SSBP2: variants seen among roughly 807,000 people sequenced by gnomAD.
SSBP2 encodes the protein single stranded DNA binding protein 2.
SSBP2 carries 17 observed loss-of-function variants against 61.8 expected under a neutral mutation model. The observed-to-expected ratio is 0.28, with a 90% CI of 0.19 to 0.41. The LOEUF is 0.41. Ranked by LOEUF, SSBP2 falls within the 10% of genes least tolerant of loss-of-function variation. SSBP2 has a pLI of 1.00. For synonymous variants in SSBP2, 139 were observed against 141.3 expected, an observed-to-expected ratio of 0.98 and a Z score of 0.12; for missense variants, 310 against 458.7, an observed-to-expected ratio of 0.68 and a Z score of 2.96.
At chr5:81,466,428 T>C (rs1466582089) in intron 9 of SSBP2, among the ~76,000 whole-genome samples, 3 of 152,048 alleles carry the variant, frequency 2.0e-5, no homozygotes, top group Non-Finnish European at 4.4e-5. Context: ...CTACGGAAAG[T>C]TCTTTGATAG....
At chr5:81,458,334 A>T (rs1764307579) in intron 10 of SSBP2, among the ~76,000 whole-genome samples, 1 of 152,250 alleles carries the variant, frequency 6.6e-6, no homozygotes, top group Admixed American at 6.5e-5. Context: ...GTTATAAAAA[A>T]ATTATGTGTT....
intron 1 of SSBP2, among the ~76,000 whole-genome samples, chr5:81,689,270 G>C (rs1007063400): frequency 1.3e-5 from 2 of 152,104 alleles, no homozygotes; most frequent in Non-Finnish European, 2.9e-5. Context: ...TGGCTGTAAA[G>C]AGGTGGTAGA....
intron 4 of SSBP2, among the ~76,000 whole-genome samples, chr5:81,585,833 G>A (rs1177831377): frequency 2.0e-5 from 3 of 152,010 alleles, no homozygotes; most frequent in Non-Finnish European, 4.4e-5. Flanking sequence ...CCAGCCTCTG[G>A]TAACCACCAT....
rs551015508 is a variant in SSBP2, at chr5:81,749,330, T to C, written c.62+1651A>G. On this transcript the variant is annotated intron_variant, in intron 1 of 16. Transcript: ENST00000320672. Reference sequence around the variant, plus strand: ...TTTGTTTTGTTTTGTTTTGCTTTGCTACATCAAGGCCTGATACCTCTAAAT... The same window carrying C: ...TTTGTTTTGTTTTGTTTTGCTTTGCCACATCAAGGCCTGATACCTCTAAAT... Among the ~76,000 whole-genome samples, 143 of 152,324 alleles carry C rather than the reference T, an allele frequency of 9.4e-4. 2 individuals are homozygous for C. The South Asian group carries it at 0.03, about 32-fold the overall frequency.
At chr5:81,577,331 C>T (rs557026316) in intron 4 of SSBP2, among the ~76,000 whole-genome samples, 17 of 152,004 alleles carry the variant, frequency 1.1e-4, no homozygotes, top group Admixed American at 2.6e-4. Flanking sequence ...GTAAATCTTC[C>T]CTTCTGAAAG....
At chr5:81,526,604 T>C (rs1451583835) in intron 4 of SSBP2, among the ~76,000 whole-genome samples, 1 of 152,070 alleles carries the variant, frequency 6.6e-6, no homozygotes, top group Non-Finnish European at 1.5e-5. Flanking sequence ...TCAAAAATCA[T>C]AGCATTAAAA....
intron 3 of SSBP2, chr5:81,616,609 G>A (rs1344852862): frequency 6.9e-6 from 1 of 145,360 alleles, no homozygotes; most frequent in Admixed American, 6.8e-5. Flanking sequence ...CACAGCTCAA[G>A]GAGGCCTGCC....
At chr5:81,458,288 C>G (rs1257269510) in intron 10 of SSBP2, among the ~76,000 whole-genome samples, 1 of 152,128 alleles carries the variant, frequency 6.6e-6, no homozygotes, top group Non-Finnish European at 1.5e-5. Context: ...AGCATTACAT[C>G]AGAATTGATT....
intron 9 of SSBP2, 150 bp downstream of exon 9, chr5:81,466,822 CAG>C (rs905118560): frequency 2.2e-6 from 1 of 447,148 alleles, no homozygotes; most frequent in Non-Finnish European, 4.0e-6. Flanking sequence ...TTATACCACA[CAG>C]AGACTGTGGT....
intron 1 of SSBP2, among the ~76,000 whole-genome samples, chr5:81,657,538 C>T (rs1581267609): frequency 6.6e-6 from 1 of 152,178 alleles, no homozygotes; most frequent in Admixed American, 6.6e-5. Context: ...CAGATGAAGT[C>T]CAACAAGTAG....
chr5:81,518,904 C>T (rs1248779833), intron 4 of SSBP2, among the ~76,000 whole-genome samples: 1 of 152,058 alleles, frequency 6.6e-6, no homozygotes, highest in African/African-American at 2.4e-5. Flanking sequence ...TAAGTAATCA[C>T]ATATTGATAG....
At chr5:81,550,068 T>C (rs1285759599) in intron 4 of SSBP2, among the ~76,000 whole-genome samples, 1 of 152,206 alleles carries the variant, frequency 6.6e-6, no homozygotes, top group Non-Finnish European at 1.5e-5. Flanking sequence ...TTTAAAGAAA[T>C]AGAAGACTAT....
chr5:81,665,661 T>C (rs1178242214), intron 1 of SSBP2, among the ~76,000 whole-genome samples: 1 of 152,096 alleles, frequency 6.6e-6, no homozygotes, highest in Non-Finnish European at 1.5e-5. Context: ...GTCTGGCTAA[T>C]TTTTTATTAT....
Position 81,689,686 on chromosome 5 carries a change from C to T in SSBP2, c.63-39347G>A, listed in dbSNP as rs147789986. 7.8e-3 allele frequency among the ~76,000 whole-genome samples: 1,184 copies of T among 152,120 alleles called. 20 individuals are homozygous for T. The highest frequency in any genetic ancestry group is 0.027 in the African/African-American group (1,132 of 41,528). ...TAATTTCATCAACACCAGACCTCCC[C>T]TACAAGAAATGCTAAAGGGAGTTAT... On this transcript the variant is annotated intron_variant, in intron 1 of 16. Coordinates refer to ENST00000320672, the MANE Select transcript of SSBP2 (RefSeq NM_012446.5).
intron 4 of SSBP2, among the ~76,000 whole-genome samples, chr5:81,596,327 C>T (rs1473636654): frequency 2.8e-5 from 4 of 141,064 alleles, no homozygotes; most frequent in Non-Finnish European, 6.1e-5. Context: ...CACTGCTCAA[C>T]GAAATAAAAG....
chr5:81,506,399 T>C (rs1021764446), intron 5 of SSBP2, among the ~76,000 whole-genome samples: 4 of 152,180 alleles, frequency 2.6e-5, no homozygotes, highest in Non-Finnish European at 5.9e-5. Context: ...TTAGATATTC[T>C]AGTCTAATAA....
At position 81,743,541 on chromosome 5, in the gene SSBP2, C is replaced by A. The variant is rs536675019; in HGVS notation, c.62+7440G>T. ...CTTCAAAGTCTCATGAAAGCAGGGACTCATTTTATTCTCCCTATATCCTCA... is the reference window on the plus strand; with the variant it reads ...CTTCAAAGTCTCATGAAAGCAGGGAATCATTTTATTCTCCCTATATCCTCA... On this transcript the variant is annotated intron_variant, in intron 1 of 16. Coordinates refer to ENST00000320672, the MANE Select transcript of SSBP2 (RefSeq NM_012446.5). Among the ~76,000 whole-genome samples, 247 of 152,276 alleles carry A rather than the reference C, an allele frequency of 1.6e-3. 1 individual carries two copies. The highest frequency in any genetic ancestry group is 5.7e-3 in the African/African-American group (235 of 41,544).
chr5:81,713,918 A>T (rs1327312169), intron 1 of SSBP2, among the ~76,000 whole-genome samples: 1 of 152,166 alleles, frequency 6.6e-6, no homozygotes, highest in Non-Finnish European at 1.5e-5. Flanking sequence ...TATTTTTATT[A>T]TTATCATACT....
chr5:81,700,444 T>A (rs1252686396), intron 1 of SSBP2, among the ~76,000 whole-genome samples: 1 of 152,228 alleles, frequency 6.6e-6, no homozygotes, highest in East Asian at 1.9e-4. Flanking sequence ...CAGAGTAGAT[T>A]TAGCATCATT....
Sources: gnomAD v4.1 joint callset for allele counts (sites outside exome capture counted in the v4.1 genomes callset) on GRCh38, gnomAD v4.1.1 for gene constraint, MANE v1.5 for transcripts, NCBI Gene and HGNC (gene_info 2026-07-23, HGNC 2026-07-21) for gene names.